The following ATXN2L variants were observed in gnomAD, a reference collection of about 807,000 sequenced individuals.
ATXN2L encodes ataxin 2 like, also known as ataxin-2-like protein.
Under a neutral mutation model 120.7 loss-of-function variants are expected in ATXN2L, and 24 were observed. The observed-to-expected ratio is 0.20, with a 90% CI of 0.14 to 0.28. The LOEUF (loss-of-function observed/expected upper bound fraction) is 0.28, where lower values mean the gene tolerates loss of function less well. Ranked by LOEUF, ATXN2L falls within the 10% of genes least tolerant of loss-of-function variation. The probability of loss-of-function intolerance (pLI) is 1.00; values close to 1 mark genes in which losing one functional copy is unlikely to be tolerated. For missense variants in ATXN2L, 1,312 were observed against 1,432.3 expected (o/e 0.92, Z 1.36); for synonymous variants, 653 against 568.1 (o/e 1.15, Z -2.13).
At chr16:28,827,220 G>A (rs138977800) in intron 6 of ATXN2L, among the ~76,000 whole-genome samples, 1 of 152,044 alleles carries the variant, frequency 6.6e-6, no homozygotes, top group East Asian at 2.0e-4. Context: ...GGTCACTTGA[G>A]GCAAGGATTT....
chr16:28,835,381 G>C lies in ATXN2L; in HGVS notation c.2667G>C (p.Ala889=). ...GAAGCCAGCCGCAGTCCCAGCATGC[G>C]GCCCCCAGTCCTGTCCAGGTGCCTG... is the stretch of plus-strand genomic sequence containing the variant. The part of the protein sequence containing the change: ...PTGSQPQSQH[A]APSPVQHQAG... The change falls in exon 20 of 22, where the codon GCG becomes GCC. Residue 889 remains alanine (A), a synonymous_variant. Coordinates refer to ENST00000336783, the MANE Select transcript of ATXN2L (RefSeq NM_007245.4). 1 of 1,612,930 alleles carries C rather than the reference G, an allele frequency of 6.2e-7. No individual in the cohort carries two copies. Among genetic ancestry groups the C allele is most frequent in the Non-Finnish European group, 8.5e-7 (1 of 1,179,936 alleles).
chr16:28,834,714 C>T lies in ATXN2L; in HGVS notation c.2433+21C>T, dbSNP rs1180491534. 3 of 1,590,780 alleles carry T rather than the reference C, an allele frequency of 1.9e-6. No individual in the cohort carries two copies. In the East Asian group the frequency reaches 6.7e-5, roughly 36 times the overall value. ...CACAGGTGACTGCGGCCCAGGAGGGCAGTGAGGATCCAGGGCCCCTGCTAG... is the reference window on the plus strand; with the variant it reads ...CACAGGTGACTGCGGCCCAGGAGGGTAGTGAGGATCCAGGGCCCCTGCTAG... On this transcript the variant is annotated intron_variant, in intron 18 of 21. Transcript: ENST00000336783.
At chr16:28,833,891 C>A in intron 15 of ATXN2L, 174 bp from the exon 16 acceptor site, 1 of 794,352 alleles carries the variant, frequency 1.3e-6, no homozygotes, top group South Asian at 1.8e-5. Flanking sequence ...TCTGCCTCAC[C>A]TGTAACTTTA....
intron 8 of ATXN2L, 42 bp downstream of exon 8, chr16:28,830,100 A>C (rs1414245381): frequency 1.9e-6 from 3 of 1,567,976 alleles, no homozygotes; most frequent in Admixed American, 1.8e-5. Flanking sequence ...GGCTTCTGGG[A>C]ATATCCTGGG....
chr16:28,834,352 A>T lies in ATXN2L; in HGVS notation c.2182A>T (p.Met728Leu), dbSNP rs1307120087. 1 of 1,613,866 alleles carries T rather than the reference A, an allele frequency of 6.2e-7. No individual in the cohort carries two copies. The highest frequency in any genetic ancestry group is 2.2e-5 in the East Asian group (1 of 44,872). ...HMGPAVQAPQ[M>L]YPYPVSNSVP... ...GTGTCCTCATCCCCAGGCACCTCAG[A>T]TGTATCCATATCCTGTATCCAATTC... The change falls in exon 17 of 22, where the codon ATG becomes TTG. Residue 728 changes from methionine (M) to leucine (L), a missense_variant. Physicochemically the swap from Met to Leu is conservative, Grantham distance 15. Coordinates refer to ENST00000336783, the MANE Select transcript of ATXN2L (RefSeq NM_007245.4).
chr16:28,831,036 C>T lies in ATXN2L; in HGVS notation c.1285C>T (p.Pro429Ser), dbSNP rs1173525151. Residue 429 changes from proline to serine, a missense_variant, in exon 10 of 22, where the codon CCT (proline) becomes TCT (serine). Pro to Ser is a moderately conservative substitution (Grantham distance 74). Transcript: ENST00000336783. ...GACTCTGTCTTCGCCCAGTAATAGGCCTTCTGGAGAAACTTCTGTTCCACC... is the reference window on the plus strand; with the variant it reads ...GACTCTGTCTTCGCCCAGTAATAGGTCTTCTGGAGAAACTTCTGTTCCACC... ...AKTLSSPSNR[P>S]SGETSVPPPP... 3.1e-6 allele frequency: 5 copies of T among 1,611,588 alleles called. No individual in the cohort carries two copies. The East Asian group carries it at 6.7e-5, about 22-fold the overall frequency.
chr16:28,826,117 G>T, intron 4 of ATXN2L, 123 bp from the exon 5 acceptor site: 1 of 1,168,080 alleles, frequency 8.6e-7, no homozygotes, highest in Non-Finnish European at 1.2e-6. Flanking sequence ...TGAGGATGTA[G>T]TGTTGTGAAA....
At chr16:28,830,199 G>A (rs925012083) in intron 8 of ATXN2L, 141 bp downstream of exon 8, 23 of 815,052 alleles carry the variant, frequency 2.8e-5, no homozygotes, top group Non-Finnish European at 3.3e-5. Flanking sequence ...GAGGTAAAGC[G>A]AGATTATGTA....
At position 28,824,529 on chromosome 16, in the gene ATXN2L, G is replaced by A. The variant is rs764524562; in HGVS notation, c.300-837G>A. ...GACGAGCAGGGTTACCTGGCGATTGGTGATCCCCGCAGAGTGGGTAACGGG... is the reference window on the plus strand; with the variant it reads ...GACGAGCAGGGTTACCTGGCGATTGATGATCCCCGCAGAGTGGGTAACGGG... On this transcript the variant is annotated intron_variant, in intron 1 of 21. Coordinates refer to ENST00000336783, the MANE Select transcript of ATXN2L (RefSeq NM_007245.4). 39 of 1,287,978 alleles carry A rather than the reference G, an allele frequency of 3.0e-5. 1 individual carries two copies. The highest frequency in any genetic ancestry group is 4.2e-4 in the Middle Eastern group (2 of 4,708). 79.8% of individuals were successfully genotyped at this position (1,287,978 alleles called of 1,614,324 possible).
chr16:28,836,068 C>T lies in ATXN2L; in HGVS notation c.3031C>T (p.Pro1011Ser), dbSNP rs759690129. ...PQGAVPQSGV[P>S]ALSASTPSPY... ...AGGCGCGGTGCCCCAGAGTGGGGTG[C>T]CTGCACTCTCAGCTTCCACACCCTC... Residue 1011 changes from proline to serine, a missense_variant, in exon 22 of 22, where the codon CCT (proline) becomes TCT (serine). Transcript: ENST00000336783. 1 of 1,592,374 alleles carries T rather than the reference C, an allele frequency of 6.3e-7. No individual in the cohort carries two copies. Among genetic ancestry groups the T allele is most frequent in the Admixed American group, 1.7e-5 (1 of 59,306 alleles).
intron 2 of ATXN2L, 53 bp downstream of exon 2, chr16:28,825,455 A>T (rs1259050823): frequency 6.3e-7 from 1 of 1,588,904 alleles, no homozygotes; most frequent in African/African-American, 1.3e-5. Context: ...AAGATGCATA[A>T]TGTGGGAATA....
In ATXN2L at chr16:28,830,650, G is replaced by T. The variant is rs774945756; in HGVS notation, c.1070G>T (p.Arg357Leu). The change falls in exon 9 of 22, where the codon CGG becomes CTG. Residue 357 changes from arginine (R) to leucine (L), a missense_variant. Coordinates refer to ENST00000336783, the MANE Select transcript of ATXN2L (RefSeq NM_007245.4). ...TATATCCCTCTGCCTCAACGAGTCC[G>T]GGAAGGTCCCCGGGGAGGAGTTCGA... ...GKYIPLPQRV[R>L]EGPRGGVRCS... 6.2e-7 allele frequency: 1 copy of T among 1,610,644 alleles called. No individual in the cohort carries two copies.
chr16:28,836,630 C>G lies in ATXN2L; in HGVS notation c.*365C>G, dbSNP rs1274887381. ...GACACCTTGAGGAGGCCGCTCCTTC[C>G]CAGACACACCCCCACGCCCCCACTG... On this transcript the variant is annotated 3_prime_UTR_variant, in exon 22 of 22. Coordinates refer to ENST00000336783, the MANE Select transcript of ATXN2L (RefSeq NM_007245.4). The G allele has an allele frequency of 4.4e-6, 7 of 1,606,500 alleles. No individual in the cohort carries two copies. Among genetic ancestry groups the G allele is most frequent in the Non-Finnish European group, 5.9e-6 (7 of 1,177,710 alleles).
chr16:28,829,613 C>T (rs2053611796), intron 7 of ATXN2L, 121 bp downstream of exon 7: 1 of 803,142 alleles, frequency 1.2e-6, no homozygotes, highest in East Asian at 2.7e-5. Context: ...GGTCGCCATC[C>T]CTACTCCTAC....
At chr16:28,833,567 T>A in intron 15 of ATXN2L, 59 bp downstream of exon 15, 3 of 1,514,250 alleles carry the variant, frequency 2.0e-6, no homozygotes, top group Admixed American at 3.3e-5. Context: ...GGGCAGTGCT[T>A]ATAGATGAAT....
At chr16:28,825,308 T>G (rs1466438651) in intron 1 of ATXN2L, 58 bp from the exon 2 acceptor site, 5 of 1,503,610 alleles carry the variant, frequency 3.3e-6, no homozygotes, top group Non-Finnish European at 4.6e-6. Flanking sequence ...AACATTAATT[T>G]CATAGTGGTC....
chr16:28,835,068 C>A lies in ATXN2L; in HGVS notation c.2444C>A (p.Ala815Asp). Residue 815 changes from alanine to aspartate, a missense_variant, in exon 19 of 22, where the codon GCC (alanine) becomes GAC (aspartate). Physicochemically the swap from Ala to Asp is moderately radical, Grantham distance 126 (BLOSUM62 -2). Transcript: ENST00000336783. ...MAHYPSQPVF[A>D]PMLQSNPRML... is the part of the protein sequence containing the mutation. Reference sequence around the variant, plus strand: ...TCTCTGTCCCGCCAGCCGGTGTTTGCCCCCATGCTTCAGAGCAACCCACGC... The same window carrying A: ...TCTCTGTCCCGCCAGCCGGTGTTTGACCCCATGCTTCAGAGCAACCCACGC... 1 of 1,611,884 alleles carries A rather than the reference C, an allele frequency of 6.2e-7. No homozygotes were observed. The highest frequency in any genetic ancestry group is 8.5e-7 in the Non-Finnish European group (1 of 1,178,914).
chr16:28,825,018 T>C (rs911633680), intron 1 of ATXN2L, among the ~76,000 whole-genome samples: 1 of 150,866 alleles, frequency 6.6e-6, no homozygotes, highest in East Asian at 1.9e-4. Flanking sequence ...GATACCAGCC[T>C]GGGCAACACA....
rs1211718989 is a variant in ATXN2L at position 28,837,123 on chromosome 16, C to T, written c.*858C>T. On this transcript the variant is annotated 3_prime_UTR_variant, in exon 22 of 22. Transcript: ENST00000336783. ...TTTCTTTCCCATTAACTTGAGTGAC[C>T]TGTGTGAGAGACAGACAGATGCCCC... 1.1e-5 allele frequency: 5 copies of T among 475,468 alleles called. No homozygotes were observed. The highest frequency in any genetic ancestry group is 2.6e-5 in the Admixed American group (1 of 39,202). 29.5% of individuals were successfully genotyped at this position (475,468 alleles called of 1,614,324 possible). A position where few individuals can be genotyped will look rare whatever the true frequency, so the allele number is the denominator to read the frequency against.
Sources: gnomAD v4.1 joint callset for allele counts (sites outside exome capture counted in the v4.1 genomes callset) on GRCh38, gnomAD v4.1.1 for gene constraint, MANE v1.5 for transcripts, NCBI Gene and HGNC (gene_info 2026-07-23, HGNC 2026-07-21) for gene names.